POLR1A: variants seen among roughly 807,000 people sequenced by gnomAD.
POLR1A encodes RNA polymerase I subunit A.
POLR1A carries 84 observed loss-of-function variants against 205.3 expected under a neutral mutation model. The observed-to-expected ratio is 0.41, with a 90% CI of 0.34 to 0.49. The LOEUF (loss-of-function observed/expected upper bound fraction) is 0.49. Among genes scored for constraint, POLR1A ranks in the 20% least tolerant of loss-of-function variants. The pLI is 0.22. For missense variants in POLR1A, 1,645 were observed against 2,204.5 expected (o/e 0.75, Z 5.08); for synonymous variants, 799 against 863.7 (o/e 0.93, Z 1.31).
chr2:86,052,721 T>C (rs1246090447), intron 16 of POLR1A, 96 bp downstream of exon 16: 1 of 1,018,358 alleles, frequency 9.8e-7, no homozygotes, highest in Non-Finnish European at 1.4e-6. Flanking sequence ...CTTGGAAATC[T>C]TCAGTGTGGA....
chr2:86,058,189 C>T (rs1672931496), intron 14 of POLR1A, among the ~76,000 whole-genome samples: 1 of 152,208 alleles, frequency 6.6e-6, no homozygotes, highest in Non-Finnish European at 1.5e-5. Flanking sequence ...CAAGCTCCAC[C>T]TCCTGGGTTC....
rs1255126142 is a variant in POLR1A, at chr2:86,078,246, C to A, written c.1125G>T (p.Leu375Phe). The change falls in exon 10 of 34, where the codon TTG becomes TTT. Residue 375 changes from leucine to phenylalanine, a missense_variant. Leu to Phe is a conservative substitution (Grantham distance 22, BLOSUM62 0). Coordinates refer to ENST00000263857, the MANE Select transcript of POLR1A (RefSeq NM_015425.6). ...TGAGGGACTGGCCTGGAAGTGTACT[C>A]AAAAAGGATCGGTCAATAGCAATCA... ...DSLIAIDRSF[L>F]STLPGQSLID... The A allele has an allele frequency of 6.3e-7, 1 of 1,597,890 alleles. No individual in the cohort carries two copies.
At position 86,100,182 on chromosome 2, in the gene POLR1A, T is replaced by TA; in HGVS notation, c.78-11dup. 1 of 1,605,582 alleles carries TA rather than the reference T, an allele frequency of 6.2e-7. No individual in the cohort carries two copies. Among genetic ancestry groups the TA allele is most frequent in the South Asian group, 1.1e-5 (1 of 90,914 alleles). ...TTTAACACTTAATTTCCTAAGGGGA[T>TA]AAAAAAGACCAAGAGGAAAGCTAAA... On this transcript the variant is annotated splice_polypyrimidine_tract_variant and intron_variant, in intron 1 of 33. Coordinates refer to ENST00000263857, the MANE Select transcript of POLR1A (RefSeq NM_015425.6).
chr2:86,033,017 G>T (rs762757170), intron 28 of POLR1A, among the ~76,000 whole-genome samples: 13 of 152,340 alleles, frequency 8.5e-5, no homozygotes, highest in South Asian at 8.3e-4. Flanking sequence ...AGACCACAGA[G>T]CTGGTTGGGG....
intron 13 of POLR1A, among the ~76,000 whole-genome samples, chr2:86,069,420 C>A (rs533083606): frequency 4.5e-4 from 69 of 152,316 alleles, no homozygotes; most frequent in African/African-American, 1.6e-3. Flanking sequence ...CCACTCCTGG[C>A]CAAGAGTCAG....
At chr2:86,104,551 G>A (rs944834246) in intron 1 of POLR1A, among the ~76,000 whole-genome samples, 6 of 150,556 alleles carry the variant, frequency 4.0e-5, no homozygotes, top group Admixed American at 6.7e-5. Flanking sequence ...GGGTTCAAGC[G>A]ATTCTCCTGC....
rs1461860114 is a variant in POLR1A, at chr2:86,029,654, C to T, written c.4779+542G>A. On this transcript the variant is annotated intron_variant, in intron 31 of 33. Coordinates refer to ENST00000263857, the MANE Select transcript of POLR1A (RefSeq NM_015425.6). Reference sequence around the variant, plus strand: ...CTCTGTCCCCCAGGCTGGAGTGCAGCGGCGCAATCTTGGTTTACTGCAAGC... The same window carrying T: ...CTCTGTCCCCCAGGCTGGAGTGCAGTGGCGCAATCTTGGTTTACTGCAAGC... 8.8e-5 allele frequency among the ~76,000 whole-genome samples: 13 copies of T among 147,452 alleles called. No homozygotes were observed. In the East Asian group the frequency reaches 9.9e-4, roughly 11 times the overall value.
chr2:86,045,573 T>A (rs1380315775), intron 20 of POLR1A, 44 bp downstream of exon 20: 1 of 1,605,860 alleles, frequency 6.2e-7, no homozygotes, highest in Admixed American at 1.7e-5. Flanking sequence ...CAATTAAGCC[T>A]AGAAATGAGG....
Position 86,023,749 on chromosome 2 carries a change from TTTTTG to T in POLR1A, c.*3669_*3673del, listed in dbSNP as rs1690202443. On this transcript the variant is annotated 3_prime_UTR_variant, in exon 34 of 34. Transcript: ENST00000263857. The stretch of plus-strand genomic sequence containing the variant: ...TATTCAAAGGAAAGCAGGGTCTGAG[TTTTTG>T]TTTTTTTTTTTTTTTGAGACGGAAT... The T allele has an allele frequency of 1.0e-5, 1 of 96,944 alleles. No individual in the cohort carries two copies. The highest frequency in any genetic ancestry group is 2.9e-4 in the South Asian group (1 of 3,400). 6.0% of individuals were successfully genotyped at this position (96,944 alleles called of 1,614,324 possible). A position where few individuals can be genotyped will look rare whatever the true frequency, so the allele number is the denominator to read the frequency against.
Position 86,039,479 on chromosome 2 carries a change from G to A in POLR1A, c.3741-17C>T, listed in dbSNP as rs750723691. ...TCCCGCAACCTGTCACAGAATAAGG[G>A]CACATCCAATCATGAGTGGCAACCA... On this transcript the variant is annotated splice_polypyrimidine_tract_variant and intron_variant, in intron 25 of 33. Coordinates refer to ENST00000263857, the MANE Select transcript of POLR1A (RefSeq NM_015425.6). The A allele has an allele frequency of 1.2e-6, 2 of 1,613,904 alleles. No individual in the cohort carries two copies. The highest frequency in any genetic ancestry group is 1.3e-5 in the African/African-American group (1 of 74,902).
At chr2:86,094,733 C>T (rs763220100) in intron 3 of POLR1A, among the ~76,000 whole-genome samples, 2 of 152,174 alleles carry the variant, frequency 1.3e-5, no homozygotes, top group African/African-American at 2.4e-5. Context: ...ATAGTTAAAA[C>T]CTGGCCCCCA....
chr2:86,038,592 G>T, intron 27 of POLR1A, 108 bp downstream of exon 27: 3 of 1,086,398 alleles, frequency 2.8e-6, no homozygotes, highest in Non-Finnish European at 2.7e-6. Context: ...GGGCTCATTT[G>T]GGCAAAGGCA....
chr2:86,058,537 G>GGA (rs1558772172), intron 14 of POLR1A, among the ~76,000 whole-genome samples: 2 of 129,302 alleles, frequency 1.5e-5, no homozygotes, highest in African/African-American at 2.9e-5. Context: ...ATATCTTAAT[G>GGA]AAAAAAAAAA....
At chr2:86,062,987 G>A (rs886333568) in intron 14 of POLR1A, among the ~76,000 whole-genome samples, 2 of 152,140 alleles carry the variant, frequency 1.3e-5, no homozygotes, top group African/African-American at 4.8e-5. Context: ...CATTCAAGAA[G>A]TAGATAACCA....
Position 86,054,242 on chromosome 2 carries a change from T to G in POLR1A, c.2106A>C (p.Pro702=), listed in dbSNP as rs1672856868. The G allele has an allele frequency of 6.2e-6, 10 of 1,613,926 alleles. No homozygotes were observed. The East Asian group carries it at 2.2e-4, about 36-fold the overall frequency. The change falls in exon 15 of 34, where the codon CCA becomes CCC. Residue 702 remains proline, a synonymous_variant. Transcript: ENST00000263857. The part of the protein sequence containing the change: ...LINIIPEDHI[P]LNLSGKAKIT... ...TTTTCGCCTTTCCAGATAAGTTCAG[T>G]GGGATGTGGTCCTCTGGGATTATAT... is the stretch of plus-strand genomic sequence containing the variant.
At chr2:86,072,830 G>A (rs975233168) in intron 12 of POLR1A, among the ~76,000 whole-genome samples, 8 of 152,152 alleles carry the variant, frequency 5.3e-5, no homozygotes, top group South Asian at 4.1e-4. Flanking sequence ...GTTCCTCCCC[G>A]GACGAGACCT....
chr2:86,039,403 G>A lies in POLR1A; in HGVS notation c.3800C>T (p.Pro1267Leu), dbSNP rs748839759. The change falls in exon 26 of 34, where the codon CCC (proline) becomes CTC (leucine). Residue 1267 changes from proline (P) to leucine (L), a missense_variant. Physicochemically the swap from Pro to Leu is moderately conservative, Grantham distance 98. Around this residue, in one of 16 missense-constraint regions of POLR1A, gnomAD observed 394 missense variants for 468.5 expected, o/e 0.84. Transcript: ENST00000263857. ...CAGGGCTTTCTTGGTGTTGAGCACG[G>A]GCACGCTCATCATGGGTGTCTTGAT... Reference protein sequence around the residue: ...ANIKTPMMSVPVLNTKKALKR... With the variant: ...ANIKTPMMSVLVLNTKKALKR... 6.2e-7 allele frequency: 1 copy of A among 1,614,026 alleles called. No homozygotes were observed. Among genetic ancestry groups the A allele is most frequent in the Non-Finnish European group, 8.5e-7 (1 of 1,179,974 alleles).
At chr2:86,041,182 TGTGTGTGTGC>T (rs757450729) in intron 24 of POLR1A, among the ~76,000 whole-genome samples, 8,872 of 106,282 alleles carry the variant, frequency 0.083, 332 homozygotes, top group Non-Finnish European at 0.11. Flanking sequence ...TGTGTGTGTG[TGTGTGTGTGC>T]GCGCTGAGCT....
At position 86,045,222 on chromosome 2, in the gene POLR1A, G is replaced by C. The variant is rs116161887; in HGVS notation, c.2969+56C>G. The C allele has an allele frequency of 4.9e-4, 543 of 1,115,748 alleles. 6 individuals are homozygous for C. In the African/African-American group the frequency reaches 7.7e-3, roughly 16 times the overall value. The allele number at this position is 1,115,748 out of a possible 1,614,324, so 69.1% of individuals were successfully genotyped here. On this transcript the variant is annotated intron_variant, in intron 21 of 33. Transcript: ENST00000263857. ...GAGCTGCTGATATAATGTGAAAGAT[G>C]ATGGCAGGAAGGGCCCTGGCACTCT...
Sources: allele counts gnomAD v4.1 joint callset (sites outside exome capture counted in the v4.1 genomes callset), GRCh38; gene constraint gnomAD v4.1.1; regional missense constraint gnomAD v4.1.1; transcripts MANE v1.5; gene names NCBI Gene and HGNC (gene_info 2026-07-23, HGNC 2026-07-21).